FEZ1: variants seen among roughly 807,000 people sequenced by gnomAD.
The protein encoded by FEZ1 is fasciculation and elongation protein zeta-1.
Under a neutral mutation model 49.3 loss-of-function variants are expected in FEZ1, and 20 were observed. The ratio of observed to expected loss-of-function variants is 0.41; its 90% CI spans 0.29 to 0.59. The LOEUF is 0.59. Ranked by LOEUF, FEZ1 falls within the 20% of genes least tolerant of loss-of-function variation. The pLI is 0.36. For synonymous variants in FEZ1, 170 were observed against 180.9 expected (o/e 0.94, Z 0.48); for missense variants, 413 against 476.0 (o/e 0.87, Z 1.23).
intron 2 of FEZ1, among the ~76,000 whole-genome samples, chr11:125,483,411 T>A (rs1280475016): frequency 1.3e-5 from 2 of 152,180 alleles, no homozygotes; most frequent in Non-Finnish European, 2.9e-5. Context: ...AGAGAACTCA[T>A]CAAGTACTCG....
rs1370905007 is a variant in FEZ1, at chr11:125,483,829, A to G, written c.312-2196T>C. 4.6e-5 allele frequency among the ~76,000 whole-genome samples: 7 copies of G among 152,182 alleles called. No homozygotes were observed. The East Asian group carries it at 1.3e-3, about 29-fold the overall frequency. On this transcript the variant is annotated intron_variant, in intron 2 of 9. Transcript: ENST00000278919. ...TTAACGAGCTACACACTTTCCAATG[A>G]CCTTGAGACTATTTACATCCTTAAA... is the stretch of plus-strand genomic sequence containing the variant.
intron 6 of FEZ1, among the ~76,000 whole-genome samples, chr11:125,454,727 C>T (rs903095818): frequency 6.6e-6 from 1 of 151,960 alleles, no homozygotes; most frequent in African/African-American, 2.4e-5. Context: ...GATTAAGAAG[C>T]ATGAGTGGCT....
chr11:125,484,269 G>A (rs1957308337), intron 2 of FEZ1, among the ~76,000 whole-genome samples: 1 of 152,102 alleles, frequency 6.6e-6, no homozygotes, highest in Non-Finnish European at 1.5e-5. Flanking sequence ...ATTATACAAG[G>A]CAGATGCTAA....
chr11:125,495,583 G>A lies in FEZ1; in HGVS notation c.-46+538C>T. 1 of 470,646 alleles carries A rather than the reference G, an allele frequency of 2.1e-6. No individual in the cohort carries two copies. The allele number at this position is 470,646 out of a possible 1,614,324, so 29.2% of individuals were successfully genotyped here. A position where few individuals can be genotyped will look rare whatever the true frequency, so the allele number is the denominator to read the frequency against. On this transcript the variant is annotated intron_variant, in intron 1 of 9. Coordinates refer to ENST00000278919, the MANE Select transcript of FEZ1 (RefSeq NM_005103.5). The surrounding 1 kb of genome is among the most constrained non-coding windows in gnomAD (Gnocchi z 4.2). Reference sequence around the variant, plus strand: ...GAATGCGCGGTCTGGGGAAGGCTCCGCACTCTGGGGAGGGGCACGAGCGGG... The same window carrying A: ...GAATGCGCGGTCTGGGGAAGGCTCCACACTCTGGGGAGGGGCACGAGCGGG...
Position 125,495,572 on chromosome 11 carries a change from G to A in FEZ1, c.-46+549C>T. 2 of 470,964 alleles carry A rather than the reference G, an allele frequency of 4.2e-6. No individual in the cohort carries two copies. Among genetic ancestry groups the A allele is most frequent in the South Asian group, 3.1e-5 (2 of 64,550 alleles). The allele number at this position is 470,964 out of a possible 1,614,324, so 29.2% of individuals were successfully genotyped here. On this transcript the variant is annotated intron_variant, in intron 1 of 9. Transcript: ENST00000278919. This position sits in a 1 kb window ranked among gnomAD's most constrained non-coding sequence, Gnocchi z 4.2. ...TGACACTGCAGGAATGCGCGGTCTG[G>A]GGAAGGCTCCGCACTCTGGGGAGGG...
chr11:125,483,252 T>G (rs1234490265), intron 2 of FEZ1, among the ~76,000 whole-genome samples: 2 of 151,948 alleles, frequency 1.3e-5, no homozygotes, highest in Admixed American at 6.6e-5. Context: ...GATATATGGG[T>G]TTTAAAAGCA....
At position 125,452,370 on chromosome 11, in the gene FEZ1, G is replaced by C. The variant is rs747858697; in HGVS notation, c.1060C>G (p.Pro354Ala). ...TVIPYEKKAS[P>A]PSVEDLQMLT... ...ATCTGCAGGTCTTCCACTGAGGGAG[G>C]AGAGGCTTTCTTCTCGTAAGGAATG... is the stretch of plus-strand genomic sequence containing the variant. The change falls in exon 8 of 10, where the codon CCT becomes GCT. Residue 354 changes from proline (P) to alanine (A), a missense_variant. Transcript: ENST00000278919. 2.5e-6 allele frequency: 4 copies of C among 1,613,098 alleles called. No homozygotes were observed. In the African/African-American group the frequency reaches 5.3e-5, roughly 22 times the overall value.
chr11:125,478,261 A>G (rs1457520453), intron 3 of FEZ1, among the ~76,000 whole-genome samples: 2 of 152,118 alleles, frequency 1.3e-5, no homozygotes, highest in Admixed American at 1.3e-4. Flanking sequence ...TGGGCAACAT[A>G]GTGAAACCCC....
At chr11:125,463,456 T>A in intron 4 of FEZ1, 28 bp downstream of exon 4, 3 of 1,360,952 alleles carry the variant, frequency 2.2e-6, no homozygotes, top group Non-Finnish European at 3.1e-6. Flanking sequence ...GAACAAAAGG[T>A]CCCGATAACC....
chr11:125,463,367 C>A, intron 4 of FEZ1, 117 bp downstream of exon 4: 1 of 671,982 alleles, frequency 1.5e-6, no homozygotes, highest in Non-Finnish European at 2.7e-6. Flanking sequence ...TGAGCACAGG[C>A]ACCACATGAC....
chr11:125,473,416 C>T (rs1957200312), intron 3 of FEZ1, among the ~76,000 whole-genome samples: 1 of 152,190 alleles, frequency 6.6e-6, no homozygotes, highest in Non-Finnish European at 1.5e-5. Flanking sequence ...GAGGCTGAAG[C>T]AGGTGGATGG....
chr11:125,460,420 T>C (rs1253242535), intron 5 of FEZ1, 78 bp downstream of exon 5: 10 of 1,317,112 alleles, frequency 7.6e-6, no homozygotes, highest in African/African-American at 1.5e-5. Flanking sequence ...CTATTAGCCA[T>C]GTACAAAGCA....
chr11:125,448,230 C>T (rs1956915576), intron 9 of FEZ1, among the ~76,000 whole-genome samples: 1 of 152,156 alleles, frequency 6.6e-6, no homozygotes, highest in African/African-American at 2.4e-5. Flanking sequence ...TACTAAGTAG[C>T]CCAAACTCTG....
At chr11:125,448,875 T>TA (rs879496020) in intron 8 of FEZ1, among the ~76,000 whole-genome samples, 1,834 of 143,536 alleles carry the variant, frequency 0.013, 65 homozygotes, top group Admixed American at 0.082. Flanking sequence ...CATTTCTAAT[T>TA]AAAAAAAAAA....
Position 125,495,918 on chromosome 11 carries a change from A to C in FEZ1, c.-46+203T>G, listed in dbSNP as rs933455695. 1.1e-4 allele frequency: 30 copies of C among 263,982 alleles called. No homozygotes were observed. The highest frequency in any genetic ancestry group is 1.5e-4 in the Non-Finnish European group (20 of 135,260). 16.4% of individuals were successfully genotyped at this position (263,982 alleles called of 1,614,324 possible). A position where few individuals can be genotyped will look rare whatever the true frequency, so the allele number is the denominator to read the frequency against. Reference sequence around the variant, plus strand: ...TCTCCAGGGCCTGGCGCGGCGTCCCAGCTGCGCTCCCTGAAGGGCTGGGCA... The same window carrying C: ...TCTCCAGGGCCTGGCGCGGCGTCCCCGCTGCGCTCCCTGAAGGGCTGGGCA... On this transcript the variant is annotated intron_variant, in intron 1 of 9. Coordinates refer to ENST00000278919, the MANE Select transcript of FEZ1 (RefSeq NM_005103.5). This position sits in a 1 kb window ranked among gnomAD's most constrained non-coding sequence, Gnocchi z 4.2.
At chr11:125,484,818 G>A (rs1957312989) in intron 2 of FEZ1, among the ~76,000 whole-genome samples, 1 of 152,164 alleles carries the variant, frequency 6.6e-6, no homozygotes, top group South Asian at 2.1e-4. Flanking sequence ...TTTCTATGTA[G>A]ATCTCCAGCC....
At chr11:125,457,467 TATATGTATATATACAC>T (rs1377067814) in intron 5 of FEZ1, among the ~76,000 whole-genome samples, 11 of 63,370 alleles carry the variant, frequency 1.7e-4, no homozygotes, top group Non-Finnish European at 3.1e-4. Flanking sequence ...TATACACATA[TATATGTATATATACAC>T]ATATATGTGT....
chr11:125,486,603 G>A (rs1312576207), intron 2 of FEZ1, among the ~76,000 whole-genome samples: 1 of 152,178 alleles, frequency 6.6e-6, no homozygotes, highest in African/African-American at 2.4e-5. Context: ...TTTGCTCTAT[G>A]ATTTGTGCTG....
rs1956870420 is a variant in FEZ1 at position 125,443,131 on chromosome 11, C to T, written c.*2964G>A. Among the ~76,000 whole-genome samples the T allele has an allele frequency of 6.6e-6, 1 of 152,116 alleles. No individual in the cohort carries two copies. Among genetic ancestry groups the T allele is most frequent in the South Asian group, 2.1e-4 (1 of 4,828 alleles). On this transcript the variant is annotated 3_prime_UTR_variant, in exon 10 of 10. Transcript: ENST00000278919. ...TACCTCATTTATAGGCTGTATTTGCCAGACAGACCTCTGACCTACCTAGGA... is the reference window on the plus strand; with the variant it reads ...TACCTCATTTATAGGCTGTATTTGCTAGACAGACCTCTGACCTACCTAGGA...
Sources: allele counts gnomAD v4.1 joint callset (sites outside exome capture counted in the v4.1 genomes callset), GRCh38; gene constraint gnomAD v4.1.1; non-coding constraint Gnocchi (gnomAD v3.1); transcripts MANE v1.5; gene names NCBI Gene and HGNC (gene_info 2026-07-23, HGNC 2026-07-21).